The following PIEZO1 variants were observed in gnomAD, a reference collection of about 807,000 sequenced individuals.
PIEZO1 encodes the protein piezo-type mechanosensitive ion channel component 1.
PIEZO1 carries 296 observed loss-of-function variants against 297.2 expected under a neutral mutation model. The observed-to-expected ratio is 1.00, with a 90% CI of 0.91 to 1.10. The LOEUF (loss-of-function observed/expected upper bound fraction) is 1.10, where lower values mean the gene tolerates loss of function less well. Among genes scored for constraint, PIEZO1 ranks in the 50% least tolerant of loss-of-function variants. The probability of loss-of-function intolerance (pLI) is 0.00; values close to 1 mark genes in which losing one functional copy is unlikely to be tolerated. For missense variants in PIEZO1, 5,018 were observed against 3,455.5 expected (o/e 1.45, Z -11.34); for synonymous variants, 2,427 against 1,507.5 (o/e 1.61, Z -14.13).
chr16:88,755,047 G>A (rs1339056724), intron 1 of PIEZO1, among the ~76,000 whole-genome samples: 4 of 152,212 alleles, frequency 2.6e-5, no homozygotes, highest in African/African-American at 9.7e-5. Flanking sequence ...CGGCCATCAG[G>A]TCACCGCCGC....
At chr16:88,733,844 C>T (rs1198896303) in intron 17 of PIEZO1, 62 bp downstream of exon 17, 2 of 1,461,318 alleles carry the variant, frequency 1.4e-6, no homozygotes, top group Admixed American at 2.5e-5. Context: ...TGCCAACGCC[C>T]CCCGAGCTGG....
intron 1 of PIEZO1, among the ~76,000 whole-genome samples, chr16:88,758,453 T>A (rs1906776129): frequency 6.6e-6 from 1 of 152,198 alleles, no homozygotes; most frequent in Non-Finnish European, 1.5e-5. Context: ...CCTCCTGCTG[T>A]GATGCCAGTC....
At position 88,734,942 on chromosome 16, in the gene PIEZO1, G is replaced by A; in HGVS notation, c.1781C>T (p.Ala594Val). ...CAGMFIVVSF[A>V]GRLVVYKIVY... ...AATCTTGTAGACCACGAGGCGGCCG[G>A]CGAAGCTGACCACGATGAACATGCC... Residue 594 changes from alanine to valine, a missense_variant, in exon 14 of 51, where the codon GCC becomes GTC. Coordinates refer to ENST00000301015, the MANE Select transcript of PIEZO1 (RefSeq NM_001142864.4). The A allele has an allele frequency of 6.4e-7, 1 of 1,550,508 alleles. No homozygotes were observed. Among genetic ancestry groups the A allele is most frequent in the Non-Finnish European group, 8.7e-7 (1 of 1,146,986 alleles).
chr16:88,731,446 A>T, intron 22 of PIEZO1: 1 of 498,350 alleles, frequency 2.0e-6, no homozygotes, highest in Non-Finnish European at 3.6e-6. Flanking sequence ...AACTTTCCTG[A>T]AGGTTTGAAA....
chr16:88,741,639 G>T (rs764250741), intron 4 of PIEZO1, 23 bp from the exon 5 acceptor site: 1 of 1,530,732 alleles, frequency 6.5e-7, no homozygotes, highest in African/African-American at 1.4e-5. Flanking sequence ...GGGAGCAGCC[G>T]CGGTCAGACC....
Position 88,723,254 on chromosome 16 carries a change from C to T in PIEZO1, c.4410G>A (p.Arg1470=). 6.5e-7 allele frequency: 1 copy of T among 1,544,688 alleles called. No individual in the cohort carries two copies. Among genetic ancestry groups the T allele is most frequent in the Non-Finnish European group, 8.7e-7 (1 of 1,146,628 alleles). Reference sequence around the variant, plus strand: ...TGGGTAGCTGTCCTGCCTGTTCCTGCCTTGCCTGCTCCTGCTCCTGCTGCC... The same window carrying T: ...TGGGTAGCTGTCCTGCCTGTTCCTGTCTTGCCTGCTCCTGCTCCTGCTGCC... ...RRRQQEQEQA[R]QEQAGQLPTG... Residue 1470 remains arginine, a synonymous_variant, in exon 32 of 51, where the codon AGG becomes AGA. Coordinates refer to ENST00000301015, the MANE Select transcript of PIEZO1 (RefSeq NM_001142864.4).
At chr16:88,716,980 C>G in intron 45 of PIEZO1, 43 bp downstream of exon 45, 6 of 1,548,008 alleles carry the variant, frequency 3.9e-6, no homozygotes, top group South Asian at 3.6e-5. Flanking sequence ...TGGCCAGAAC[C>G]CCCAGGGGAT....
Position 88,716,092 on chromosome 16 carries a change from C to T in PIEZO1, c.7157G>A (p.Arg2386His), listed in dbSNP as rs991858063. ...ACCCTGCTCCCTCCGCAGCTGGATA[C>T]GCACGCCGAGGTAGTCGGCCTCCTC... ...PNEEADYLGVRIQLRREQGAG... is the reference protein window; with the variant it reads ...PNEEADYLGVHIQLRREQGAG... Residue 2386 changes from arginine to histidine, a missense_variant, in exon 50 of 51, where the codon CGT becomes CAT. Transcript: ENST00000301015. 4.1e-5 allele frequency: 63 copies of T among 1,548,280 alleles called. No homozygotes were observed. Among genetic ancestry groups the T allele is most frequent in the African/African-American group, 1.8e-4 (13 of 73,016 alleles).
rs1912408293 is a variant in PIEZO1, at chr16:88,721,153, A to C, written c.5668+13T>G. The stretch of plus-strand genomic sequence containing the variant: ...CTGGGTAGGCAGGAGGTTGTGAGGC[A>C]GGGCGCTTATACCGATGGCTGCCGC... On this transcript the variant is annotated intron_variant, in intron 39 of 50. Transcript: ENST00000301015. 3 of 1,475,654 alleles carry C rather than the reference A, an allele frequency of 2.0e-6. No individual in the cohort carries two copies. Among genetic ancestry groups the C allele is most frequent in the South Asian group, 2.6e-5 (2 of 76,608 alleles). 91.4% of individuals were successfully genotyped at this position (1,475,654 alleles called of 1,614,324 possible). A position where few individuals can be genotyped will look rare whatever the true frequency, so the allele number is the denominator to read the frequency against.
At position 88,780,874 on chromosome 16, in the gene PIEZO1, T is replaced by A. The variant is rs559150789; in HGVS notation, c.64+4027A>T. Among the ~76,000 whole-genome samples, 3 of 152,334 alleles carry A rather than the reference T, an allele frequency of 2.0e-5. No individual in the cohort carries two copies. In the East Asian group the frequency reaches 5.8e-4, roughly 29 times the overall value. ...CAGGAGGCTGAGGCAGGAGGATGGC[T>A]TGAGCCCTGGAGGCTGAAGTTGTAG... On this transcript the variant is annotated intron_variant, in intron 1 of 50. Coordinates refer to ENST00000301015, the MANE Select transcript of PIEZO1 (RefSeq NM_001142864.4).
chr16:88,728,438 C>A (rs1904610645), intron 22 of PIEZO1, among the ~76,000 whole-genome samples: 5 of 150,584 alleles, frequency 3.3e-5, no homozygotes, highest in Admixed American at 3.3e-4. Context: ...ACTCACAGCC[C>A]CATCTGCCAC....
At chr16:88,752,595 G>C (rs1002163888) in intron 1 of PIEZO1, among the ~76,000 whole-genome samples, 1 of 152,128 alleles carries the variant, frequency 6.6e-6, no homozygotes. Flanking sequence ...TGGGGCTGGA[G>C]ATGAGGCGGG....
At chr16:88,750,094 G>A (rs920581218) in intron 1 of PIEZO1, among the ~76,000 whole-genome samples, 1 of 151,672 alleles carries the variant, frequency 6.6e-6, no homozygotes, top group Non-Finnish European at 1.5e-5. Context: ...CAGCAGTTTG[G>A]GAGGCTGCAG....
Position 88,735,058 on chromosome 16 carries a change from G to A in PIEZO1, c.1670-5C>T, listed in dbSNP as rs1451601921. Reference sequence around the variant, plus strand: ...GCGTCTGCGTCCGCGTGGGCTCTGTGGGCCAAGCCAGGGGCAGGCGATGGC... The same window carrying A: ...GCGTCTGCGTCCGCGTGGGCTCTGTAGGCCAAGCCAGGGGCAGGCGATGGC... On this transcript the variant is annotated splice_polypyrimidine_tract_variant and splice_region_variant and intron_variant, in intron 13 of 50. Transcript: ENST00000301015. 3 of 1,550,146 alleles carry A rather than the reference G, an allele frequency of 1.9e-6. No homozygotes were observed. The highest frequency in any genetic ancestry group is 1.4e-5 in the African/African-American group (1 of 73,064).
At chr16:88,720,324 G>A in intron 41 of PIEZO1, 41 bp from the exon 42 acceptor site, 1 of 1,550,072 alleles carries the variant, frequency 6.5e-7, no homozygotes, top group Non-Finnish European at 8.7e-7. Flanking sequence ...GCCAAGCCCA[G>A]GGGATGTGGG....
intron 21 of PIEZO1, 79 bp downstream of exon 21, chr16:88,732,256 C>A (rs905213538): frequency 1.6e-6 from 2 of 1,281,216 alleles, no homozygotes; most frequent in Middle Eastern, 1.9e-4. Flanking sequence ...GCCAGGCTTG[C>A]GGTGCCTGCA....
intron 1 of PIEZO1, among the ~76,000 whole-genome samples, chr16:88,782,026 C>G (rs529412883): frequency 6.6e-6 from 1 of 152,398 alleles, no homozygotes; most frequent in African/African-American, 2.4e-5. Flanking sequence ...CTCGCACCAG[C>G]TGGCTTTCCG....
At chr16:88,724,116 C>T (rs975060857) in intron 30 of PIEZO1, 145 bp from the exon 31 acceptor site, 84 of 618,688 alleles carry the variant, frequency 1.4e-4, no homozygotes, top group Non-Finnish European at 1.9e-4. Context: ...CACAGGCCAG[C>T]GCGGTGGGAC....
At chr16:88,724,285 C>T (rs1252956836) in intron 30 of PIEZO1, among the ~76,000 whole-genome samples, 1 of 152,242 alleles carries the variant, frequency 6.6e-6, no homozygotes, top group East Asian at 1.9e-4. Context: ...AATCCCAGCA[C>T]TGTGGGAGGC....
Sources: allele counts gnomAD v4.1 joint callset (sites outside exome capture counted in the v4.1 genomes callset), GRCh38; gene constraint gnomAD v4.1.1; transcripts MANE v1.5; gene names NCBI Gene and HGNC (gene_info 2026-07-23, HGNC 2026-07-21).